Variants in GSAP observed in about 807,000 individuals in gnomAD.
The protein encoded by GSAP is gamma-secretase-activating protein.
In GSAP, 118 loss-of-function variants were observed where a neutral mutation model predicts 131.7. The ratio of observed to expected loss-of-function variants is 0.90; its 90% confidence interval spans 0.77 to 1.04. The LOEUF is 1.04. GSAP is among the 50% of genes least tolerant of loss of function. The pLI, the probability that GSAP is intolerant of heterozygous loss-of-function variation, is 0.00. For synonymous variants in GSAP, 381 were observed against 363.4 expected (o/e 1.05, Z -0.55); for missense variants, 1,019 against 1,013.2 (o/e 1.01, Z -0.08).
At chr7:77,377,629 A>C (rs145706263) in intron 8 of GSAP, among the ~76,000 whole-genome samples, 1 of 152,224 alleles carries the variant, frequency 6.6e-6, no homozygotes, top group Non-Finnish European at 1.5e-5. Flanking sequence ...TCCTGCTCTT[A>C]GTTTAGCAGA....
chr7:77,343,305 C>G (rs897377857), intron 19 of GSAP, among the ~76,000 whole-genome samples: 1 of 152,196 alleles, frequency 6.6e-6, no homozygotes, highest in African/African-American at 2.4e-5. Context: ...TTTCTGCCCC[C>G]CTCCACTACC....
intron 4 of GSAP, 120 bp from the exon 5 acceptor site, chr7:77,397,155 C>A: frequency 1.4e-6 from 1 of 715,018 alleles, no homozygotes; most frequent in Non-Finnish European, 2.4e-6. Flanking sequence ...AAGATAAGGG[C>A]AGAACACAAA....
At position 77,383,323 on chromosome 7, in the gene GSAP, C is replaced by CAG. The variant is rs1371358189; in HGVS notation, c.457-681_457-680insCT. Among the ~76,000 whole-genome samples the CAG allele has an allele frequency of 6.2e-5, 8 of 128,770 alleles. 1 individual carries two copies. The East Asian group carries it at 1.6e-3, about 25-fold the overall frequency. The allele number at this position is 128,770 out of a possible 152,430, so 84.5% of individuals were successfully genotyped here. A position where few individuals can be genotyped will look rare whatever the true frequency, so the allele number is the denominator to read the frequency against. ...TTTATACAAAATGTTCTATTTCACACACACACACACACACACACACAGAGG... is the reference window on the plus strand; with the variant it reads ...TTTATACAAAATGTTCTATTTCACACAGACACACACACACACACACACAGAGG... On this transcript the variant is annotated intron_variant, in intron 6 of 30. Coordinates refer to ENST00000257626, the MANE Select transcript of GSAP (RefSeq NM_017439.4).
intron 12 of GSAP, among the ~76,000 whole-genome samples, chr7:77,366,566 C>T (rs973250108): frequency 6.6e-5 from 10 of 152,098 alleles, no homozygotes; most frequent in Non-Finnish European, 8.8e-5. Context: ...TTTCTGGGTT[C>T]GCTATTCCAT....
chr7:77,377,258 A>AAAAAAAAAAAAAAGG, intron 9 of GSAP, 28 bp downstream of exon 9: 2 of 1,400,736 alleles, frequency 1.4e-6, no homozygotes, highest in Non-Finnish European at 1.9e-6. Context: ...AAAAAAAAAA[A>AAAAAAAAAAAAAAGG]GGAGTGCCCG....
In GSAP at chr7:77,378,327, T is replaced by A. The variant is rs554900524; in HGVS notation, c.577-937A>T. 1.6e-3 allele frequency among the ~76,000 whole-genome samples: 246 copies of A among 151,478 alleles called. 1 individual carries two copies. Among genetic ancestry groups the A allele is most frequent in the African/African-American group, 5.7e-3 (234 of 41,280 alleles). On this transcript the variant is annotated intron_variant, in intron 8 of 30. Transcript: ENST00000257626. Reference sequence around the variant, plus strand: ...TGAAACCCCATCTCTACTAAAAAAATACAAAAATTAGCCAGGCATGGTGGT... The same window carrying A: ...TGAAACCCCATCTCTACTAAAAAAAAACAAAAATTAGCCAGGCATGGTGGT...
intron 21 of GSAP, 135 bp downstream of exon 21, chr7:77,329,198 T>C: frequency 2.0e-6 from 1 of 495,860 alleles, no homozygotes; most frequent in Non-Finnish European, 3.5e-6. Context: ...GTGGCTGCAT[T>C]CATGAAGCTG....
At chr7:77,313,442 G>C (rs1247493176) in intron 28 of GSAP, 46 bp downstream of exon 28, 2 of 941,936 alleles carry the variant, frequency 2.1e-6, no homozygotes, top group Admixed American at 4.0e-5. Context: ...TTGAAGGAGG[G>C]TAATGCCAAA....
chr7:77,375,786 G>A (rs1275859951), intron 10 of GSAP, among the ~76,000 whole-genome samples: 1 of 150,888 alleles, frequency 6.6e-6, no homozygotes, highest in Non-Finnish European at 1.5e-5. Context: ...AGAGGTTGCA[G>A]TGAAGAGAGA....
At chr7:77,337,702 T>C (rs1790248803) in intron 19 of GSAP, among the ~76,000 whole-genome samples, 1 of 152,258 alleles carries the variant, frequency 6.6e-6, no homozygotes. Flanking sequence ...TGAAATACAC[T>C]ACAGATGTCC....
chr7:77,382,768 A>C (rs1797991180), intron 6 of GSAP, 125 bp from the exon 7 acceptor site: 2 of 588,164 alleles, frequency 3.4e-6, no homozygotes, highest in African/African-American at 3.7e-5. Flanking sequence ...AGAAGAGTTT[A>C]GGGGAATCAC....
chr7:77,317,043 G>A (rs930947609), intron 26 of GSAP, among the ~76,000 whole-genome samples: 5 of 152,000 alleles, frequency 3.3e-5, no homozygotes, highest in African/African-American at 4.8e-5. Context: ...GCACACTTAC[G>A]CATGTGCATA....
At chr7:77,350,331 A>T (rs1792646521) in intron 18 of GSAP, among the ~76,000 whole-genome samples, 1 of 146,870 alleles carries the variant, frequency 6.8e-6, no homozygotes, top group Non-Finnish European at 1.5e-5. Flanking sequence ...CTAAATGACG[A>T]GTTAATGGGT....
intron 26 of GSAP, chr7:77,314,901 A>C (rs1794806115): frequency 1.2e-5 from 2 of 163,772 alleles, no homozygotes; most frequent in African/African-American, 4.8e-5. Context: ...ACCAGAAGGC[A>C]ATAGTTTATA....
At chr7:77,380,524 G>C (rs1166864001) in intron 8 of GSAP, among the ~76,000 whole-genome samples, 1 of 151,908 alleles carries the variant, frequency 6.6e-6, no homozygotes, top group Non-Finnish European at 1.5e-5. Flanking sequence ...TCCACACCAG[G>C]GTCTATTATC....
chr7:77,393,911 T>C (rs1799966665), intron 5 of GSAP, among the ~76,000 whole-genome samples: 1 of 151,994 alleles, frequency 6.6e-6, no homozygotes, highest in Non-Finnish European at 1.5e-5. Flanking sequence ...TGACCTCAGG[T>C]GATCCACCTG....
intron 2 of GSAP, among the ~76,000 whole-genome samples, chr7:77,405,827 C>T (rs1802164899): frequency 6.6e-6 from 1 of 152,188 alleles, no homozygotes; most frequent in Non-Finnish European, 1.5e-5. Flanking sequence ...TTGTGAGCCA[C>T]CATGCCCAGC....
chr7:77,366,777 T>C (rs1172710074), intron 12 of GSAP, among the ~76,000 whole-genome samples: 2 of 152,184 alleles, frequency 1.3e-5, no homozygotes, highest in African/African-American at 2.4e-5. Context: ...ATATTGATAG[T>C]TTGATAGGAA....
chr7:77,385,621 C>T (rs530788765), intron 6 of GSAP, among the ~76,000 whole-genome samples: 10 of 152,078 alleles, frequency 6.6e-5, no homozygotes, highest in African/African-American at 1.9e-4. Flanking sequence ...ACAGTGTAGA[C>T]GGAGTAGCTT....
Sources: gnomAD v4.1 joint callset for allele counts (sites outside exome capture counted in the v4.1 genomes callset) on GRCh38, gnomAD v4.1.1 for gene constraint, MANE v1.5 for transcripts, NCBI Gene and HGNC (gene_info 2026-07-23, HGNC 2026-07-21) for gene names.